Variants in ANK3 observed in about 807,000 individuals in gnomAD.
ANK3 encodes the protein ankyrin-3.
ANK3 carries 57 observed loss-of-function variants against 370.9 expected under a neutral mutation model. That is an observed-to-expected ratio of 0.15 (90% CI 0.12 to 0.19). The LOEUF (loss-of-function observed/expected upper bound fraction) is 0.19, where lower values mean the gene tolerates loss of function less well. Ranked by LOEUF, ANK3 falls within the 10% of genes least tolerant of loss-of-function variation. The pLI is 1.00. For missense variants in ANK3, 4,439 were observed against 5,302.1 expected, an observed-to-expected ratio of 0.84 and a Z score of 5.06; for synonymous variants, 1,929 against 1,946.3, an observed-to-expected ratio of 0.99 and a Z score of 0.23.
At chr10:60,641,831 A>G (rs2078637626) in intron 1 of ANK3, among the ~76,000 whole-genome samples, 1 of 152,138 alleles carries the variant, frequency 6.6e-6, no homozygotes, top group South Asian at 2.1e-4. Flanking sequence ...AACTACCATC[A>G]GAGTGAACAG....
At chr10:60,514,712 C>T (rs1273486024) in intron 2 of ANK3, among the ~76,000 whole-genome samples, 1 of 152,058 alleles carries the variant, frequency 6.6e-6, no homozygotes, top group African/African-American at 2.4e-5. Flanking sequence ...CTTTCAGGGG[C>T]CTTTCTTCTT....
chr10:60,253,907 A>T (rs192395051), intron 7 of ANK3, among the ~76,000 whole-genome samples: 3 of 152,316 alleles, frequency 2.0e-5, no homozygotes, highest in Admixed American at 1.3e-4. Flanking sequence ...ATGCCAAAAA[A>T]AGTCTGCTAT....
At chr10:60,032,093 A>G (rs895572986) in intron 43 of ANK3, among the ~76,000 whole-genome samples, 3 of 151,304 alleles carry the variant, frequency 2.0e-5, no homozygotes, top group African/African-American at 7.3e-5. Context: ...TAATGTTACT[A>G]CAGTCTCACT....
At chr10:60,655,899 A>G (rs976631099) in intron 1 of ANK3, among the ~76,000 whole-genome samples, 3 of 152,212 alleles carry the variant, frequency 2.0e-5, no homozygotes, top group African/African-American at 7.2e-5. Flanking sequence ...GCATCGTGTT[A>G]CAATTGCCTA....
chr10:60,689,971 T>C (rs948025922), intron 1 of ANK3, among the ~76,000 whole-genome samples: 4 of 152,266 alleles, frequency 2.6e-5, no homozygotes, highest in East Asian at 1.9e-4. Context: ...CATTGTAGTA[T>C]ACAAACATGC....
At chr10:60,059,132 G>A (rs1169842100) in intron 41 of ANK3, among the ~76,000 whole-genome samples, 1 of 152,142 alleles carries the variant, frequency 6.6e-6, no homozygotes, top group African/African-American at 2.4e-5. Context: ...AAATTTTCTT[G>A]TATTTTATTT....
At chr10:60,690,744 C>T (rs969693880) in intron 1 of ANK3, among the ~76,000 whole-genome samples, 1 of 152,112 alleles carries the variant, frequency 6.6e-6, no homozygotes, top group African/African-American at 2.4e-5. Flanking sequence ...CCATGTATGA[C>T]CTACCACCTC....
intron 7 of ANK3, among the ~76,000 whole-genome samples, chr10:60,247,584 T>C (rs7086638): frequency 0.58 from 88,422 of 152,070 alleles, 26,112 homozygotes; most frequent in Non-Finnish European, 0.64. Context: ...CTACTATAGA[T>C]ATTATAGATA....
At chr10:60,280,886 G>A (rs2132710749) in intron 1 of ANK3, among the ~76,000 whole-genome samples, 2 of 152,236 alleles carry the variant, frequency 1.3e-5, no homozygotes, top group East Asian at 3.9e-4. Flanking sequence ...TAATTTCATT[G>A]AACTCTCTTC....
intron 25 of ANK3, among the ~76,000 whole-genome samples, chr10:60,117,380 A>C (rs2093168948): frequency 1.3e-5 from 2 of 152,238 alleles, no homozygotes; most frequent in Non-Finnish European, 2.9e-5. Context: ...TAAGTAGACG[A>C]GACACATAGA....
chr10:60,114,526 T>C (rs1316076248), intron 25 of ANK3, among the ~76,000 whole-genome samples, 195 bp from the exon 26 acceptor site: 1 of 152,232 alleles, frequency 6.6e-6, no homozygotes, highest in Non-Finnish European at 1.5e-5. Context: ...ATTGATGTAT[T>C]GTTTTATTTC....
chr10:60,092,377 T>C (rs77145295), intron 28 of ANK3, among the ~76,000 whole-genome samples: 2,005 of 152,248 alleles, frequency 0.013, 29 homozygotes, highest in African/African-American at 0.044. Flanking sequence ...TTATTTCAAA[T>C]AGAAACTTGT....
chr10:60,262,405 T>G (rs2097821116), intron 6 of ANK3, among the ~76,000 whole-genome samples: 1 of 152,178 alleles, frequency 6.6e-6, no homozygotes, highest in South Asian at 2.1e-4. Flanking sequence ...CAAAAGCAGT[T>G]TTGGGGGGAA....
Position 60,028,739 on chromosome 10 carries a change from T to C in ANK3, c.*1107A>G, listed in dbSNP as rs1014467908. 1 of 152,642 alleles carries C rather than the reference T, an allele frequency of 6.6e-6. No homozygotes were observed. The highest frequency in any genetic ancestry group is 2.4e-5 in the African/African-American group (1 of 41,454). 9.5% of individuals were successfully genotyped at this position (152,642 alleles called of 1,614,324 possible). On this transcript the variant is annotated 3_prime_UTR_variant, in exon 44 of 44. Coordinates refer to ENST00000280772, the MANE Select transcript of ANK3 (RefSeq NM_020987.5). ...GGATTTCTGTTCAGTCCTTTTTAAA[T>C]ACCCCCGACTGGGGCCTTTTATGAG...
chr10:60,395,119 G>A (rs1260425182), intron 2 of ANK3, among the ~76,000 whole-genome samples: 1 of 152,056 alleles, frequency 6.6e-6, no homozygotes, highest in Non-Finnish European at 1.5e-5. Context: ...GAACAATTTG[G>A]ATATGCAAAT....
intron 2 of ANK3, among the ~76,000 whole-genome samples, chr10:60,530,640 G>A (rs2076584422): frequency 6.6e-6 from 1 of 152,116 alleles, no homozygotes; most frequent in Admixed American, 6.6e-5. Flanking sequence ...ACCCTGCTAA[G>A]GAAGGTGGGA....
chr10:60,072,292 A>C lies in ANK3; in HGVS notation c.8589T>G (p.Asn2863Lys), dbSNP rs149138713. 2.3e-5 allele frequency: 37 copies of C among 1,614,100 alleles called. No homozygotes were observed. Among genetic ancestry groups the C allele is most frequent in the Non-Finnish European group, 3.4e-6 (4 of 1,180,000 alleles). Residue 2863 changes from asparagine to lysine, a missense_variant, in exon 37 of 44, where the codon AAT becomes AAG. Physicochemically the swap from Asn to Lys is moderately conservative, Grantham distance 94. This residue lies in a region of ANK3 where 1,601 missense variants were observed against 1,731.7 expected (regional missense o/e 0.92). Coordinates refer to ENST00000280772, the MANE Select transcript of ANK3 (RefSeq NM_020987.5). The stretch of plus-strand genomic sequence containing the variant: ...GCGAAAGTTTTTCTTTCTGAGACTT[A>C]TTGTTAGTGGCTCCCGAACTCTCCC... ...RTWESSGATN[N>K]KSQKEKLSHV...
chr10:60,217,684 G>A lies in ANK3; in HGVS notation c.898-4174C>T, dbSNP rs10994254. ...GTGTTTTACTTCCAATCATATGATCGATTTTCGAACAAGTGCCATGTGGCA... is the reference window on the plus strand; with the variant it reads ...GTGTTTTACTTCCAATCATATGATCAATTTTCGAACAAGTGCCATGTGGCA... On this transcript the variant is annotated intron_variant, in intron 8 of 43. Transcript: ENST00000280772. Among the ~76,000 whole-genome samples, 1,305 of 152,156 alleles carry A rather than the reference G, an allele frequency of 8.6e-3. 11 individuals carry two copies. Among genetic ancestry groups the A allele is most frequent in the Non-Finnish European group, 0.012 (804 of 67,984 alleles).
chr10:60,485,620 G>C (rs1192080302), intron 2 of ANK3, among the ~76,000 whole-genome samples: 1 of 152,138 alleles, frequency 6.6e-6, no homozygotes. Context: ...GTCCCCACCT[G>C]GTGTTCCCAT....
Sources: allele counts gnomAD v4.1 joint callset (sites outside exome capture counted in the v4.1 genomes callset), GRCh38; gene constraint gnomAD v4.1.1; regional missense constraint gnomAD v4.1.1; transcripts MANE v1.5; gene names NCBI Gene and HGNC (gene_info 2026-07-23, HGNC 2026-07-21).